Variants in HKDC1 observed in about 807,000 individuals in gnomAD.
The protein encoded by HKDC1 is hexokinase domain containing 1, also known as hexokinase HKDC1.
Under a neutral mutation model 96.6 loss-of-function variants are expected in HKDC1, and 66 were observed. That is an observed-to-expected ratio of 0.68 (90% CI 0.56 to 0.84). The LOEUF (loss-of-function observed/expected upper bound fraction) is 0.84. HKDC1 is among the 40% of genes least tolerant of loss of function. The pLI is 0.00. For missense variants in HKDC1, 1,211 were observed against 1,208.1 expected (o/e 1.00, Z -0.04); for synonymous variants, 466 against 473.1 (o/e 0.98, Z 0.20).
Position 69,220,485 on chromosome 10 carries a change from A to G in HKDC1, c.50A>G (p.Asp17Gly). 6.2e-7 allele frequency: 1 copy of G among 1,601,116 alleles called. No homozygotes were observed. Among genetic ancestry groups the G allele is most frequent in the South Asian group, 1.1e-5 (1 of 88,852 alleles). ...MAFYFSKLKEDQIKKVDRFLY... is the reference protein window; with the variant it reads ...MAFYFSKLKEGQIKKVDRFLY... ...TTTTACTTCAGCAAGCTGAAGGAGG[A>G]CCAGATCAAGAAGGTAAGGAGGACC... is the stretch of plus-strand genomic sequence containing the variant. The change falls in exon 1 of 18, where the codon GAC (aspartate) becomes GGC (glycine). Residue 17 changes from aspartate to glycine, a missense_variant. Transcript: ENST00000354624.
intron 5 of HKDC1, among the ~76,000 whole-genome samples, 157 bp downstream of exon 5, chr10:69,239,294 C>T (rs764587943): frequency 1.3e-5 from 2 of 152,192 alleles, no homozygotes; most frequent in African/African-American, 2.4e-5. Context: ...CACTGTAGTA[C>T]AGATGTGGCC....
intron 17 of HKDC1, 125 bp from the exon 18 acceptor site, chr10:69,266,485 G>T: frequency 1.8e-4 from 146 of 802,520 alleles, no homozygotes; most frequent in Non-Finnish European, 2.4e-4. Flanking sequence ...AAAATTAGAA[G>T]AAGCTGTTTA....
chr10:69,245,488 T>C (rs1843525066), intron 7 of HKDC1, among the ~76,000 whole-genome samples: 1 of 151,704 alleles, frequency 6.6e-6, no homozygotes, highest in South Asian at 2.1e-4. Flanking sequence ...GAGGATCACT[T>C]GAGGCCAGGA....
rs755996811 is a variant in HKDC1, at chr10:69,248,562, G to A, written c.1404G>A (p.Lys468=). The part of the protein sequence containing the change: ...AVASRVQAQR[K]QIDRVLALFQ... ...CCTCCCGCGTGCAGGCCCAGCGGAAGCAGATCGACAGGGTGCTGGCTTTGT... is the reference window on the plus strand; with the variant it reads ...CCTCCCGCGTGCAGGCCCAGCGGAAACAGATCGACAGGGTGCTGGCTTTGT... The change falls in exon 10 of 18, where the codon AAG becomes AAA. Residue 468 remains lysine (K), a synonymous_variant. Transcript: ENST00000354624. 5.6e-6 allele frequency: 9 copies of A among 1,614,036 alleles called. No individual in the cohort carries two copies. The African/African-American group carries it at 1.2e-4, about 22-fold the overall frequency.
Position 69,240,338 on chromosome 10 carries a change from A to T in HKDC1, c.592-314A>T, listed in dbSNP as rs770260706. 8.3e-4 allele frequency among the ~76,000 whole-genome samples: 127 copies of T among 152,100 alleles called. 3 individuals carry two copies. Among genetic ancestry groups the T allele is most frequent in the Non-Finnish European group, 9.3e-4 (63 of 67,978 alleles). On this transcript the variant is annotated intron_variant, in intron 5 of 17. Coordinates refer to ENST00000354624, the MANE Select transcript of HKDC1 (RefSeq NM_025130.4). ...CCCTATCTGCAGATTAAAAAATAAA[A>T]TTTTTTAAATTAAAAAAAACATCGA... is the stretch of plus-strand genomic sequence containing the variant.
At chr10:69,256,968 G>T in intron 12 of HKDC1, 68 bp from the exon 13 acceptor site, 2 of 1,167,770 alleles carry the variant, frequency 1.7e-6, no homozygotes, top group Admixed American at 1.7e-5. Context: ...TGCATCTGTT[G>T]GATGTTGAGG....
chr10:69,241,985 G>A (rs1359647824), intron 6 of HKDC1, among the ~76,000 whole-genome samples: 1 of 152,186 alleles, frequency 6.6e-6, no homozygotes, highest in South Asian at 2.1e-4. Flanking sequence ...GTCAGCTGGA[G>A]GAATGTGTGG....
intron 7 of HKDC1, among the ~76,000 whole-genome samples, chr10:69,244,311 C>T (rs955435370): frequency 8.5e-5 from 13 of 152,138 alleles, no homozygotes; most frequent in Non-Finnish European, 1.8e-4. Context: ...TGGAATCAGC[C>T]ATTTTGTCAA....
chr10:69,225,389 G>C (rs1843139671), intron 1 of HKDC1, among the ~76,000 whole-genome samples: 1 of 152,162 alleles, frequency 6.6e-6, no homozygotes, highest in African/African-American at 2.4e-5. Flanking sequence ...GTGTGTGGCT[G>C]TGCCAACCAA....
intron 9 of HKDC1, 33 bp from the exon 10 acceptor site, chr10:69,248,391 T>A: frequency 6.5e-7 from 1 of 1,528,342 alleles, no homozygotes; most frequent in Non-Finnish European, 8.8e-7. Context: ...GCCTTTATGA[T>A]TGCTAAATAT....
At chr10:69,257,464 T>G in intron 14 of HKDC1, 38 bp downstream of exon 14, 1 of 1,421,984 alleles carries the variant, frequency 7.0e-7, no homozygotes, top group South Asian at 1.1e-5. Flanking sequence ...CTAATCCCAC[T>G]GTATCCATTG....
intron 15 of HKDC1, among the ~76,000 whole-genome samples, chr10:69,260,522 G>A (rs1357784094): frequency 6.6e-6 from 1 of 152,090 alleles, no homozygotes; most frequent in East Asian, 1.9e-4. Context: ...TTTTGTTCTG[G>A]TGTTAATTCC....
chr10:69,257,393 G>A lies in HKDC1; in HGVS notation c.1999G>A (p.Glu667Lys), dbSNP rs1026731538. ...GGGGACCATGATGACCTGTGGCTATGAAGATCCTAATTGTGAGATTGGCCT... is the reference window on the plus strand; with the variant it reads ...GGGGACCATGATGACCTGTGGCTATAAAGATCCTAATTGTGAGATTGGCCT... ...TVGTMMTCGYEDPNCEIGLIA... is the reference protein window; with the variant it reads ...TVGTMMTCGYKDPNCEIGLIA... Residue 667 changes from glutamate to lysine, a missense_variant, in exon 14 of 18, where the codon GAA becomes AAA. Transcript: ENST00000354624. 1.9e-6 allele frequency: 3 copies of A among 1,614,046 alleles called. No individual in the cohort carries two copies. Among genetic ancestry groups the A allele is most frequent in the Non-Finnish European group, 2.5e-6 (3 of 1,179,874 alleles).
intron 6 of HKDC1, among the ~76,000 whole-genome samples, chr10:69,241,531 T>A (rs1843456936): frequency 6.6e-6 from 1 of 152,178 alleles, no homozygotes; most frequent in Non-Finnish European, 1.5e-5. Context: ...TCGTCCAGGC[T>A]GGAGTGCAGT....
chr10:69,234,377 T>C (rs1329526150), intron 4 of HKDC1, among the ~76,000 whole-genome samples: 1 of 152,258 alleles, frequency 6.6e-6, no homozygotes, highest in Non-Finnish European at 1.5e-5. Context: ...AGTTCCTTAA[T>C]TTCATGAGCC....
chr10:69,256,706 C>CA (rs904646042), intron 12 of HKDC1, among the ~76,000 whole-genome samples: 96 of 139,602 alleles, frequency 6.9e-4, no homozygotes, highest in South Asian at 1.8e-3. Context: ...AATTCTATCT[C>CA]AAAAAAAAAA....
intron 9 of HKDC1, 142 bp from the exon 10 acceptor site, chr10:69,248,277 ATCCCC>A: frequency 1.3e-6 from 1 of 774,238 alleles, no homozygotes; most frequent in Non-Finnish European, 2.0e-6. Flanking sequence ...CCCTCCTCTC[ATCCCC>A]TCCCCTCCCT....
intron 6 of HKDC1, among the ~76,000 whole-genome samples, chr10:69,242,902 C>T (rs1215422671): frequency 2.6e-5 from 4 of 152,208 alleles, no homozygotes; most frequent in African/African-American, 9.6e-5. Context: ...AAGAGCGCTT[C>T]GTCAGCTTTC....
intron 16 of HKDC1, among the ~76,000 whole-genome samples, chr10:69,264,999 C>A (rs1294662224): frequency 1.3e-5 from 2 of 152,176 alleles, no homozygotes; most frequent in African/African-American, 4.8e-5. Context: ...TTTGTATATT[C>A]ATTTATTCAC....
Sources: gnomAD v4.1 joint callset for allele counts (sites outside exome capture counted in the v4.1 genomes callset) on GRCh38, gnomAD v4.1.1 for gene constraint, MANE v1.5 for transcripts, NCBI Gene and HGNC (gene_info 2026-07-23, HGNC 2026-07-21) for gene names.